Variants in TMEM135 observed in about 807,000 individuals in gnomAD.
TMEM135 encodes transmembrane protein 135.
TMEM135 carries 30 observed loss-of-function variants against 60.3 expected under a neutral mutation model. That is an observed-to-expected ratio of 0.50 (90% CI 0.37 to 0.68). TMEM135 has a LOEUF of 0.68. TMEM135 is among the 30% of genes least tolerant of loss of function. TMEM135 has a pLI of 0.00. For synonymous variants in TMEM135, 190 were observed against 186.7 expected, an observed-to-expected ratio of 1.02 and a Z score of -0.14; for missense variants, 468 against 548.8, an observed-to-expected ratio of 0.85 and a Z score of 1.47.
chr11:87,102,258 C>T (rs1046408153), intron 4 of TMEM135, among the ~76,000 whole-genome samples: 1 of 152,120 alleles, frequency 6.6e-6, no homozygotes, highest in Non-Finnish European at 1.5e-5. Context: ...ATTGGAGTTC[C>T]CACTACCCCC....
intron 3 of TMEM135, among the ~76,000 whole-genome samples, chr11:87,084,054 A>G (rs1013395798): frequency 1.3e-5 from 2 of 152,120 alleles, no homozygotes; most frequent in South Asian, 2.1e-4. Context: ...CCTCTTGTGA[A>G]GTGTGATATG....
chr11:87,302,241 TC>T (rs1942461002), intron 7 of TMEM135, 54 bp from the exon 8 acceptor site: 4 of 1,562,284 alleles, frequency 2.6e-6, no homozygotes, highest in Admixed American at 3.7e-5. Context: ...CTTTTTTTTT[TC>T]CTCATTGACT....
intron 5 of TMEM135, among the ~76,000 whole-genome samples, chr11:87,187,143 G>A (rs1018267907): frequency 2.0e-5 from 3 of 152,092 alleles, no homozygotes; most frequent in Non-Finnish European, 2.9e-5. Flanking sequence ...GTCTCATGGG[G>A]AGCTATGTCA....
chr11:87,309,784 A>C lies in TMEM135; in HGVS notation c.936+112A>C, dbSNP rs1201758863. ...TTTAATGCTTCTTTCTGGAATATTC[A>C]TACATATCTTGACATAACCAAATCT... On this transcript the variant is annotated intron_variant, in intron 10 of 14. Transcript: ENST00000305494. 6.7e-6 allele frequency: 8 copies of C among 1,199,376 alleles called. No homozygotes were observed. The Admixed American group carries it at 8.2e-5, about 12-fold the overall frequency. The allele number at this position is 1,199,376 out of a possible 1,614,324, so 74.3% of individuals were successfully genotyped here.
At chr11:87,093,368 A>C (rs571530613) in intron 4 of TMEM135, among the ~76,000 whole-genome samples, 2 of 151,856 alleles carry the variant, frequency 1.3e-5, no homozygotes, top group East Asian at 3.9e-4. Flanking sequence ...ATGTACCACA[A>C]TGTCCGGCTA....
intron 1 of TMEM135, among the ~76,000 whole-genome samples, chr11:87,041,201 AG>A (rs1292882309): frequency 6.6e-6 from 1 of 152,050 alleles, no homozygotes; most frequent in African/African-American, 2.4e-5. Context: ...CCCATTTTAT[AG>A]GTAAGATACC....
chr11:87,253,915 C>T (rs1941471617), intron 6 of TMEM135, among the ~76,000 whole-genome samples: 1 of 151,706 alleles, frequency 6.6e-6, no homozygotes, highest in African/African-American at 2.4e-5. Flanking sequence ...TCAGTTTACT[C>T]TTTAGAAGTT....
At position 87,326,008 on chromosome 11, in the gene TMEM135, T is replaced by C. The variant is rs1303136527; in HGVS notation, c.*4675T>C. ...TACCACAGACACACATACCATCTGG[T>C]CACCAACAGGGACATCAGGGCCAAG... On this transcript the variant is annotated 3_prime_UTR_variant, in exon 15 of 15. Coordinates refer to ENST00000305494, the MANE Select transcript of TMEM135 (RefSeq NM_022918.4). The C allele has an allele frequency of 2.2e-6, 1 of 453,852 alleles. No homozygotes were observed. The highest frequency in any genetic ancestry group is 2.0e-5 in the African/African-American group (1 of 49,954). The allele number at this position is 453,852 out of a possible 1,614,324, so 28.1% of individuals were successfully genotyped here. A position where few individuals can be genotyped will look rare whatever the true frequency, so the allele number is the denominator to read the frequency against.
chr11:87,291,846 A>G (rs1020409597), intron 6 of TMEM135, among the ~76,000 whole-genome samples: 1 of 152,036 alleles, frequency 6.6e-6, no homozygotes, highest in Non-Finnish European at 1.5e-5. Context: ...CCCGGCCTCA[A>G]GTGATTCTTT....
At chr11:87,088,411 C>T (rs978968546) in intron 3 of TMEM135, among the ~76,000 whole-genome samples, 12 of 152,064 alleles carry the variant, frequency 7.9e-5, no homozygotes, top group African/African-American at 1.9e-4. Flanking sequence ...AGAATACTCA[C>T]AAAGTTTCCA....
chr11:87,167,142 T>C (rs1323046193), intron 5 of TMEM135, among the ~76,000 whole-genome samples: 2 of 152,200 alleles, frequency 1.3e-5, no homozygotes, highest in Admixed American at 1.3e-4. Flanking sequence ...CTTGTGATTT[T>C]TGCACCTTGA....
At chr11:87,059,365 C>A (rs1305350455) in intron 1 of TMEM135, among the ~76,000 whole-genome samples, 1 of 147,696 alleles carries the variant, frequency 6.8e-6, no homozygotes, top group South Asian at 2.1e-4. Context: ...AGTGCAATGG[C>A]GTGATCTCGG....
At chr11:87,054,980 T>C (rs913854923) in intron 1 of TMEM135, among the ~76,000 whole-genome samples, 2 of 152,216 alleles carry the variant, frequency 1.3e-5, no homozygotes, top group African/African-American at 2.4e-5. Flanking sequence ...AAATATTACA[T>C]GTTACCTACA....
chr11:87,310,409 G>A (rs1274660675), intron 10 of TMEM135, among the ~76,000 whole-genome samples: 1 of 152,004 alleles, frequency 6.6e-6, no homozygotes, highest in Non-Finnish European at 1.5e-5. Flanking sequence ...AAATGGTAAA[G>A]TGTGTTAATT....
intron 5 of TMEM135, among the ~76,000 whole-genome samples, chr11:87,167,994 A>G (rs983386624): frequency 3.9e-5 from 6 of 152,120 alleles, no homozygotes; most frequent in African/African-American, 1.4e-4. Context: ...AGAACTTGTT[A>G]TTGGTCTAGT....
chr11:87,233,537 C>A (rs2135370187), intron 5 of TMEM135, among the ~76,000 whole-genome samples: 2 of 152,108 alleles, frequency 1.3e-5, no homozygotes, highest in East Asian at 3.9e-4. Flanking sequence ...GATTATTTTA[C>A]AGGTATATAG....
intron 4 of TMEM135, among the ~76,000 whole-genome samples, chr11:87,142,475 T>C (rs181867937): frequency 1.4e-4 from 22 of 152,346 alleles, no homozygotes; most frequent in African/African-American, 5.1e-4. Context: ...AAAATAGTTA[T>C]TTTTGGATGT....
At chr11:87,144,945 C>CT (rs1743670229) in intron 4 of TMEM135, among the ~76,000 whole-genome samples, 1 of 152,018 alleles carries the variant, frequency 6.6e-6, no homozygotes, top group South Asian at 2.1e-4. Context: ...AATTACTTAA[C>CT]TTTTTTGTGG....
At chr11:87,178,233 A>G (rs367691711) in intron 5 of TMEM135, among the ~76,000 whole-genome samples, 1 of 151,994 alleles carries the variant, frequency 6.6e-6, no homozygotes, top group Admixed American at 6.6e-5. Context: ...AGCTATCACC[A>G]TGAGCAACCT....
Sources: gnomAD v4.1 joint callset for allele counts (sites outside exome capture counted in the v4.1 genomes callset) on GRCh38, gnomAD v4.1.1 for gene constraint, MANE v1.5 for transcripts, NCBI Gene and HGNC (gene_info 2026-07-23, HGNC 2026-07-21) for gene names.